Variants in RIMBP2 observed in about 807,000 individuals in gnomAD.
RIMBP2 encodes the protein RIMS-binding protein 2.
RIMBP2 carries 48 observed loss-of-function variants against 118.6 expected under a neutral mutation model. The ratio of observed to expected loss-of-function variants is 0.40; its 90% CI spans 0.32 to 0.51. RIMBP2 has a LOEUF of 0.51. Ranked by LOEUF, RIMBP2 falls within the 20% of genes least tolerant of loss-of-function variation. The probability of loss-of-function intolerance (pLI) is 0.41; values close to 1 mark genes in which losing one functional copy is unlikely to be tolerated. For missense variants in RIMBP2, 1,551 were observed against 1,768.3 expected (o/e 0.88, Z 2.20); for synonymous variants, 762 against 742.9 (o/e 1.03, Z -0.42).
chr12:130,560,468 G>A (rs533348676), intron 2 of RIMBP2, among the ~76,000 whole-genome samples: 57 of 152,162 alleles, frequency 3.7e-4, no homozygotes, highest in African/African-American at 6.5e-4. Flanking sequence ...ACCCCCCACC[G>A]GTAGTGACCA....
chr12:130,616,128 C>A (rs999130834), intron 2 of RIMBP2, among the ~76,000 whole-genome samples: 7 of 152,168 alleles, frequency 4.6e-5, no homozygotes, highest in African/African-American at 1.7e-4. Context: ...TGTTACAGAT[C>A]ACAACGTTCC....
Position 130,470,738 on chromosome 12 carries a change from C to A in RIMBP2, c.108G>T (p.Gln36His). ...QQEIDLLQKA[Q>H]VEAKKEHEGA... is the part of the protein sequence containing the mutation. The stretch of plus-strand genomic sequence containing the variant: ...CTTCATGCTCCTTCTTAGCCTCAAC[C>A]TGAGCCTTTTTTATGATGAAAAGAG... The change falls in exon 6 of 23, where the codon CAG (glutamine) becomes CAT (histidine). Residue 36 changes from glutamine to histidine, a missense_variant. Around this residue, in one of 5 missense-constraint regions of RIMBP2, gnomAD observed 239 missense variants for 256.8 expected, o/e 0.93. Coordinates refer to ENST00000690449, the MANE Select transcript of RIMBP2 (RefSeq NM_001393629.1). 1 of 1,231,812 alleles carries A rather than the reference C, an allele frequency of 8.1e-7. No homozygotes were observed. The highest frequency in any genetic ancestry group is 1.0e-6 in the Non-Finnish European group (1 of 987,740). 76.3% of individuals were successfully genotyped at this position (1,231,812 alleles called of 1,614,324 possible).
At chr12:130,635,225 A>C (rs1005855376) in intron 1 of RIMBP2, among the ~76,000 whole-genome samples, 3 of 151,902 alleles carry the variant, frequency 2.0e-5, no homozygotes, top group Non-Finnish European at 2.9e-5. Context: ...CTGTAGAAAA[A>C]CCACAAGCCA....
At position 130,422,331 on chromosome 12, in the gene RIMBP2, A is replaced by C. The variant is rs1356913860; in HGVS notation, c.3238+122T>G. ...CTGTTCCTGCCTTCTTTTTGCCATG[A>C]ATAACAGTGTTCTTTGCTTAGCGGA... On this transcript the variant is annotated intron_variant, in intron 17 of 22. Coordinates refer to ENST00000690449, the MANE Select transcript of RIMBP2 (RefSeq NM_001393629.1). The surrounding 1 kb of genome is among the most constrained non-coding windows in gnomAD (Gnocchi z 5.2). 1.7e-6 allele frequency: 1 copy of C among 601,012 alleles called. No individual in the cohort carries two copies. The highest frequency in any genetic ancestry group is 1.8e-5 in the African/African-American group (1 of 54,254). 37.2% of individuals were successfully genotyped at this position (601,012 alleles called of 1,614,324 possible). A position where few individuals can be genotyped will look rare whatever the true frequency, so the allele number is the denominator to read the frequency against.
intron 11 of RIMBP2, among the ~76,000 whole-genome samples, chr12:130,439,966 G>C (rs913733896): frequency 4.6e-5 from 7 of 151,200 alleles, no homozygotes; most frequent in African/African-American, 1.7e-4. Flanking sequence ...TGGGTCTGTA[G>C]GGATGTGTGT....
chr12:130,604,729 A>AG (rs2060078402), intron 2 of RIMBP2, among the ~76,000 whole-genome samples: 1 of 32,194 alleles, frequency 3.1e-5, no homozygotes, highest in Non-Finnish European at 7.5e-5. Flanking sequence ...GACTACAGGC[A>AG]CCACCACCAC....
chr12:130,541,105 T>A (rs957031676), intron 2 of RIMBP2, among the ~76,000 whole-genome samples: 4 of 152,116 alleles, frequency 2.6e-5, no homozygotes, highest in African/African-American at 4.8e-5. Context: ...AAGAGGCCAC[T>A]GCAGGGCCAC....
chr12:130,504,228 C>A (rs528742909), intron 4 of RIMBP2, among the ~76,000 whole-genome samples: 1 of 152,192 alleles, frequency 6.6e-6, no homozygotes. Context: ...GGTCACCAGG[C>A]TCTTCACCAG....
chr12:130,713,680 C>G (rs367987604), intron 1 of RIMBP2, among the ~76,000 whole-genome samples: 1 of 152,188 alleles, frequency 6.6e-6, no homozygotes, highest in East Asian at 1.9e-4. Context: ...AACACTGAGA[C>G]GTTCAGCCGG....
At chr12:130,490,123 CAAAA>C (rs35698241) in intron 4 of RIMBP2, among the ~76,000 whole-genome samples, 4 of 95,444 alleles carry the variant, frequency 4.2e-5, no homozygotes, top group African/African-American at 7.6e-5. Context: ...GACTCTGTCT[CAAAA>C]AAAAAAAAAA....
chr12:130,548,146 C>T lies in RIMBP2; in HGVS notation c.-216-30229G>A, dbSNP rs556879933. ...GTGACGGAAGACAAGAAGCCCACGA[C>T]GGAAGACAAGAAGCCCACGGCTTGT... On this transcript the variant is annotated intron_variant, in intron 2 of 22. Coordinates refer to ENST00000690449, the MANE Select transcript of RIMBP2 (RefSeq NM_001393629.1). Among the ~76,000 whole-genome samples, 10 of 152,222 alleles carry T rather than the reference C, an allele frequency of 6.6e-5. No individual in the cohort carries two copies. The South Asian group carries it at 1.2e-3, about 19-fold the overall frequency.
intron 22 of RIMBP2, 95 bp downstream of exon 22, chr12:130,399,584 C>A: frequency 7.0e-7 from 1 of 1,425,294 alleles, no homozygotes; most frequent in Non-Finnish European, 9.6e-7. Flanking sequence ...TTACGCTTTT[C>A]GGCCCAAGAT....
At chr12:130,399,633 T>C (rs754485387) in intron 22 of RIMBP2, 46 bp downstream of exon 22, 33 of 1,607,078 alleles carry the variant, frequency 2.1e-5, no homozygotes, top group Non-Finnish European at 2.4e-5. Context: ...AGACCACATA[T>C]GGCAGAACGG....
intron 1 of RIMBP2, among the ~76,000 whole-genome samples, chr12:130,714,590 C>T (rs918797100): frequency 3.9e-5 from 6 of 152,230 alleles, no homozygotes; most frequent in African/African-American, 1.4e-4. Flanking sequence ...GGGGGAATAG[C>T]CGCTGCCAGC....
chr12:130,544,444 G>A (rs148980749), intron 2 of RIMBP2, among the ~76,000 whole-genome samples: 79 of 152,226 alleles, frequency 5.2e-4, no homozygotes, highest in Admixed American at 1.2e-3. Flanking sequence ...CAAGACTGCC[G>A]TAGAGAAGAC....
At position 130,442,503 on chromosome 12, in the gene RIMBP2, G is replaced by A; in HGVS notation, c.849C>T (p.Asp283=). The change falls in exon 11 of 23, where the codon GAC becomes GAT. Residue 283 remains aspartate (D), a synonymous_variant. Coordinates refer to ENST00000690449, the MANE Select transcript of RIMBP2 (RefSeq NM_001393629.1). This position sits in a 1 kb window ranked among gnomAD's most constrained non-coding sequence, Gnocchi z 6.9. ...GIGLEGEHIL[D]LHSPTHIDAG... ...CATCTATGTGGGTTGGGGAGTGGAG[G>A]TCCAGGATGTGCTCTCCCTCCAGGC... is the stretch of plus-strand genomic sequence containing the variant. 1.2e-6 allele frequency: 2 copies of A among 1,614,160 alleles called. No homozygotes were observed. The highest frequency in any genetic ancestry group is 1.7e-6 in the Non-Finnish European group (2 of 1,180,024).
chr12:130,595,175 T>TG, intron 2 of RIMBP2, among the ~76,000 whole-genome samples: 1 of 152,224 alleles, frequency 6.6e-6, no homozygotes, highest in Non-Finnish European at 1.5e-5. Context: ...CTCTGGAGCC[T>TG]GTACTCACAC....
intron 3 of RIMBP2, among the ~76,000 whole-genome samples, chr12:130,516,025 G>T (rs540386783): frequency 1.3e-5 from 2 of 152,208 alleles, no homozygotes; most frequent in East Asian, 3.9e-4. Flanking sequence ...ACCAGGATTG[G>T]GATTGCTAGA....
chr12:130,412,589 A>G (rs2136475674), intron 19 of RIMBP2, 30 bp downstream of exon 19: 8 of 1,601,028 alleles, frequency 5.0e-6, no homozygotes, highest in Non-Finnish European at 6.8e-6. Context: ...TAAAATGCAC[A>G]GGGAAGGTCG....
Sources: allele counts gnomAD v4.1 joint callset (sites outside exome capture counted in the v4.1 genomes callset), GRCh38; gene constraint gnomAD v4.1.1; regional missense constraint gnomAD v4.1.1; non-coding constraint Gnocchi (gnomAD v3.1); transcripts MANE v1.5; gene names NCBI Gene and HGNC (gene_info 2026-07-23, HGNC 2026-07-21).